Variants in ADAMTS18 observed in about 807,000 individuals in gnomAD.
ADAMTS18 encodes ADAM metallopeptidase with thrombospondin type 1 motif 18.
In ADAMTS18, 157 loss-of-function variants were observed where a neutral mutation model predicts 165.9. The ratio of observed to expected loss-of-function variants is 0.95; its 90% confidence interval spans 0.83 to 1.08. The LOEUF (loss-of-function observed/expected upper bound fraction) is 1.08. Ranked by LOEUF, ADAMTS18 falls within the 50% of genes least tolerant of loss-of-function variation. The probability of loss-of-function intolerance (pLI) is 0.00; values close to 1 mark genes in which losing one functional copy is unlikely to be tolerated. For synonymous variants in ADAMTS18, 782 were observed against 578.2 expected, an observed-to-expected ratio of 1.35 and a Z score of -5.06; for missense variants, 2,040 against 1,534.0, an observed-to-expected ratio of 1.33 and a Z score of -5.51.
intron 3 of ADAMTS18, among the ~76,000 whole-genome samples, chr16:77,400,481 T>C (rs1052752864): frequency 2.7e-5 from 3 of 109,674 alleles, no homozygotes; most frequent in Non-Finnish European, 6.6e-5. Flanking sequence ...TGTGTGTGTG[T>C]TTTGTTTTTT....
At chr16:77,301,586 T>A (rs984135912) in intron 16 of ADAMTS18, among the ~76,000 whole-genome samples, 3 of 152,344 alleles carry the variant, frequency 2.0e-5, no homozygotes, top group South Asian at 2.1e-4. Context: ...TGATTGCCAG[T>A]TAAAAAATAG....
chr16:77,329,939 C>A (rs148795020), intron 12 of ADAMTS18, among the ~76,000 whole-genome samples: 226 of 152,192 alleles, frequency 1.5e-3, no homozygotes, highest in Admixed American at 2.7e-3. Flanking sequence ...TTATCAAGTC[C>A]TGACTACAAA....
chr16:77,377,162 C>T (rs2056965979), intron 3 of ADAMTS18, among the ~76,000 whole-genome samples: 1 of 152,210 alleles, frequency 6.6e-6, no homozygotes, highest in Admixed American at 6.5e-5. Context: ...GTATAAATCA[C>T]ACTTTATGAA....
chr16:77,407,066 T>C (rs1043527227), intron 3 of ADAMTS18, among the ~76,000 whole-genome samples: 3 of 152,010 alleles, frequency 2.0e-5, no homozygotes, highest in Non-Finnish European at 4.4e-5. Flanking sequence ...GTAACAAACC[T>C]GCACATATAT....
chr16:77,374,218 CAAAA>C (rs567551649), intron 3 of ADAMTS18, among the ~76,000 whole-genome samples: 1 of 85,402 alleles, frequency 1.2e-5, no homozygotes. Flanking sequence ...GACTCCATCT[CAAAA>C]AAAAAAAAAA....
chr16:77,401,416 G>T (rs2057330264), intron 3 of ADAMTS18, among the ~76,000 whole-genome samples: 1 of 152,206 alleles, frequency 6.6e-6, no homozygotes, highest in Non-Finnish European at 1.5e-5. Flanking sequence ...TGAAATGGAT[G>T]ATATTACTGA....
In ADAMTS18 at chr16:77,431,508, T is replaced by G. The variant is rs1460177994; in HGVS notation, c.282A>C (p.Arg94Ser). The G allele has an allele frequency of 6.2e-7, 1 of 1,614,190 alleles. No homozygotes were observed. The highest frequency in any genetic ancestry group is 1.1e-5 in the South Asian group (1 of 91,086). The part of the protein sequence containing the change: ...GRKKRSAQNA[R>S]SSLHYRFSAF... ...CTGAAAATCGGTAGTGCAGGGAGCT[T>G]CTGGCATTCTGCGCCGATCGCTTTT... The change falls in exon 3 of 23, where the codon AGA becomes AGC. Residue 94 changes from arginine to serine, a missense_variant. Transcript: ENST00000282849.
Position 77,335,875 on chromosome 16 carries a change from A to C in ADAMTS18, c.1740T>G (p.Phe580Leu). ...GGATGGGCCGGGGCCCGAGCTCCCCAAACTTTACGCACTGGCCTTGCCGAC... is the reference window on the plus strand; with the variant it reads ...GGATGGGCCGGGGCCCGAGCTCCCCCAACTTTACGCACTGGCCTTGCCGAC... ...MWCRQGQCVK[F>L]GELGPRPIHG... Residue 580 changes from phenylalanine (F) to leucine (L), a missense_variant, in exon 12 of 23, where the codon TTT becomes TTG. Coordinates refer to ENST00000282849, the MANE Select transcript of ADAMTS18 (RefSeq NM_199355.4). 1 of 1,614,218 alleles carries C rather than the reference A, an allele frequency of 6.2e-7. No homozygotes were observed. Among genetic ancestry groups the C allele is most frequent in the South Asian group, 1.1e-5 (1 of 91,088 alleles).
At chr16:77,376,160 C>T (rs1287524666) in intron 3 of ADAMTS18, among the ~76,000 whole-genome samples, 2 of 152,162 alleles carry the variant, frequency 1.3e-5, no homozygotes, top group Admixed American at 6.5e-5. Context: ...GCCTCAGACT[C>T]CCAAAGTGCT....
intron 11 of ADAMTS18, among the ~76,000 whole-genome samples, chr16:77,336,635 T>A (rs1286331851): frequency 6.6e-6 from 1 of 152,206 alleles, no homozygotes; most frequent in African/African-American, 2.4e-5. Context: ...CATTTGCCCA[T>A]GATCTGTACA....
intron 3 of ADAMTS18, among the ~76,000 whole-genome samples, chr16:77,417,926 T>A (rs1179162728): frequency 1.3e-5 from 2 of 152,190 alleles, no homozygotes; most frequent in East Asian, 3.8e-4. Context: ...CAAGAGAATA[T>A]AGAGGACATT....
chr16:77,401,505 A>G (rs2144810843), intron 3 of ADAMTS18, among the ~76,000 whole-genome samples: 1 of 152,372 alleles, frequency 6.6e-6, no homozygotes, highest in Non-Finnish European at 1.5e-5. Context: ...CAAATGGTGA[A>G]GCCAGGTTTG....
chr16:77,405,261 C>A (rs546968290), intron 3 of ADAMTS18, among the ~76,000 whole-genome samples: 18 of 152,272 alleles, frequency 1.2e-4, no homozygotes, highest in African/African-American at 4.3e-4. Flanking sequence ...TTTTTCAATC[C>A]TGAATGAAAA....
In ADAMTS18 at chr16:77,289,236, A is replaced by G. The variant is rs144340823; in HGVS notation, c.3550+28T>C. On this transcript the variant is annotated intron_variant, in intron 22 of 22. Transcript: ENST00000282849. ...GAAAAAATTATCTAAAGACTAGTAAAGTTGACTGGAGCATGGTGCCTTTTT... is the reference window on the plus strand; with the variant it reads ...GAAAAAATTATCTAAAGACTAGTAAGGTTGACTGGAGCATGGTGCCTTTTT... 419 of 1,613,848 alleles carry G rather than the reference A, an allele frequency of 2.6e-4. No individual in the cohort carries two copies. The African/African-American group carries it at 4.6e-3, about 18-fold the overall frequency.
intron 16 of ADAMTS18, among the ~76,000 whole-genome samples, chr16:77,302,063 C>T (rs2055594876): frequency 1.4e-5 from 2 of 147,952 alleles, no homozygotes; most frequent in African/African-American, 5.0e-5. Context: ...TTCTTGGAAC[C>T]CTGTGTTCAA....
At chr16:77,293,523 A>T (rs778416814) in intron 19 of ADAMTS18, among the ~76,000 whole-genome samples, 5 of 151,762 alleles carry the variant, frequency 3.3e-5, no homozygotes, top group Non-Finnish European at 5.9e-5. Context: ...TACTATTTAG[A>T]TTTACCCTCT....
At chr16:77,304,054 A>G (rs531559582) in intron 16 of ADAMTS18, among the ~76,000 whole-genome samples, 1 of 152,100 alleles carries the variant, frequency 6.6e-6, no homozygotes, top group South Asian at 2.1e-4. Context: ...TACAGATCCT[A>G]TAAAAGGAAT....
intron 12 of ADAMTS18, 27 bp downstream of exon 12, chr16:77,335,729 A>G (rs767606709): frequency 8.7e-6 from 14 of 1,614,050 alleles, no homozygotes; most frequent in Non-Finnish European, 1.2e-5. Context: ...AGGCCTTGCA[A>G]AGACTAACTT....
chr16:77,314,991 G>C (rs2055861695), intron 16 of ADAMTS18, among the ~76,000 whole-genome samples: 1 of 151,030 alleles, frequency 6.6e-6, no homozygotes, highest in Non-Finnish European at 1.5e-5. Context: ...AGCTAGTTAA[G>C]AGTCTGTACT....
Sources: gnomAD v4.1 joint callset for allele counts (sites outside exome capture counted in the v4.1 genomes callset) on GRCh38, gnomAD v4.1.1 for gene constraint, MANE v1.5 for transcripts, NCBI Gene and HGNC (gene_info 2026-07-23, HGNC 2026-07-21) for gene names.